The following RCBTB2 variants were observed in gnomAD, a reference collection of about 807,000 sequenced individuals.
The protein encoded by RCBTB2 is RCC1 and BTB domain-containing protein 2.
A neutral mutation model predicts 65.4 loss-of-function variants in RCBTB2; 55 were observed. That is an observed-to-expected ratio of 0.84 (90% CI 0.68 to 1.05). The LOEUF (loss-of-function observed/expected upper bound fraction) is 1.05. Among genes scored for constraint, RCBTB2 ranks in the 50% least tolerant of loss-of-function variants. The pLI is 0.00. For missense variants in RCBTB2, 599 were observed against 680.1 expected (o/e 0.88, Z 1.33); for synonymous variants, 220 against 255.2 (o/e 0.86, Z 1.31).
intron 10 of RCBTB2, among the ~76,000 whole-genome samples, chr13:48,509,196 A>G (rs1394110620): frequency 6.6e-6 from 1 of 152,146 alleles, no homozygotes; most frequent in Non-Finnish European, 1.5e-5. Flanking sequence ...GTATGGTGGC[A>G]TGCTCCTGTA....
At position 48,502,795 on chromosome 13, in the gene RCBTB2, T is replaced by A. The variant is rs1950300790; in HGVS notation, c.1046A>T (p.His349Leu). The change falls in exon 11 of 15, where the codon CAC (histidine) becomes CTC (leucine). Residue 349 changes from histidine (H) to leucine (L), a missense_variant. By Grantham distance (99) the His-to-Leu change is moderately conservative (BLOSUM62 -3). Coordinates refer to ENST00000344532, the MANE Select transcript of RCBTB2 (RefSeq NM_001268.4). ...AAACACGTCGTCAGTGCAGGAGAAG[T>A]GGGTGAGGTGCGGGAGGATCACGGA... The part of the protein sequence containing the change: ...GQSVILPHLT[H>L]FSCTDDVFAC... 6.2e-7 allele frequency: 1 copy of A among 1,613,730 alleles called. No individual in the cohort carries two copies. The highest frequency in any genetic ancestry group is 8.5e-7 in the Non-Finnish European group (1 of 1,179,958).
chr13:48,493,338 C>CTCTCTCTCTCTCTCTCTCTG, intron 14 of RCBTB2, among the ~76,000 whole-genome samples: 1 of 142,762 alleles, frequency 7.0e-6, no homozygotes, highest in South Asian at 2.2e-4. Flanking sequence ...CTCTCTCTCT[C>CTCTCTCTCTCTCTCTCTCTG]TCTTCTCTTC....
At chr13:48,508,538 G>A (rs1405602160) in intron 10 of RCBTB2, among the ~76,000 whole-genome samples, 1 of 151,930 alleles carries the variant, frequency 6.6e-6, no homozygotes, top group Non-Finnish European at 1.5e-5. Context: ...CAAGTAACTG[G>A]GATTACAGGC....
intron 5 of RCBTB2, 39 bp from the exon 6 acceptor site, chr13:48,515,394 T>C (rs1951028806): frequency 6.3e-7 from 1 of 1,580,462 alleles, no homozygotes; most frequent in Non-Finnish European, 8.6e-7. Flanking sequence ...CAGTTCTATT[T>C]CTAACAAATC....
intron 4 of RCBTB2, among the ~76,000 whole-genome samples, 160 bp downstream of exon 4, chr13:48,521,738 C>G (rs562005114): frequency 6.6e-6 from 1 of 152,276 alleles, no homozygotes; most frequent in East Asian, 1.9e-4. Flanking sequence ...TTCTCCATAC[C>G]CACAACGATT....
At chr13:48,504,501 T>C (rs1174994204) in intron 10 of RCBTB2, 1 of 233,048 alleles carries the variant, frequency 4.3e-6, no homozygotes, top group Non-Finnish European at 7.0e-6. Flanking sequence ...TAAGGCCCAG[T>C]TCAAACTGCC....
intron 1 of RCBTB2, among the ~76,000 whole-genome samples, chr13:48,529,796 T>C (rs937788838): frequency 6.6e-6 from 1 of 151,592 alleles, no homozygotes; most frequent in Non-Finnish European, 1.5e-5. Context: ...AACTCTCTTT[T>C]AGTCTTTAAC....
At chr13:48,492,898 T>C (rs910933644) in intron 14 of RCBTB2, among the ~76,000 whole-genome samples, 1 of 152,156 alleles carries the variant, frequency 6.6e-6, no homozygotes, top group African/African-American at 2.4e-5. Flanking sequence ...CTTATCCAAT[T>C]TGCTTATTAG....
intron 1 of RCBTB2, 160 bp downstream of exon 1, chr13:48,532,868 C>T (rs1451681238): frequency 5.1e-6 from 2 of 390,720 alleles, no homozygotes; most frequent in Non-Finnish European, 1.0e-5. Context: ...GCCTGTGGCA[C>T]GGTCGCGGCT....
rs1422429894 is a variant in RCBTB2 at position 48,498,655 on chromosome 13, G to A, written c.1384+966C>T. Among the ~76,000 whole-genome samples the A allele has an allele frequency of 2.6e-5, 4 of 152,140 alleles. 1 individual carries two copies. Among genetic ancestry groups the A allele is most frequent in the Admixed American group, 6.5e-5 (1 of 15,286 alleles). ...TGAGGCAGGAGAATCGCTTGAAACC[G>A]GGAGGCGGAGGTTGTGGTGAGCGGA... is the stretch of plus-strand genomic sequence containing the variant. On this transcript the variant is annotated intron_variant, in intron 13 of 14. Transcript: ENST00000344532.
At chr13:48,493,311 A>ACTCTCTCTCTCT (rs773819158) in intron 14 of RCBTB2, among the ~76,000 whole-genome samples, 2,102 of 56,978 alleles carry the variant, frequency 0.037, 18 homozygotes, top group Non-Finnish European at 0.056. Context: ...ACACACACAC[A>ACTCTCTCTCTCT]CACACTCTCT....
chr13:48,511,694 CTA>C (rs1950802369), intron 9 of RCBTB2, 74 bp downstream of exon 9: 30 of 1,264,258 alleles, frequency 2.4e-5, no homozygotes, highest in East Asian at 7.5e-5. Context: ...GCCAACAAAT[CTA>C]TGTTTTTAAT....
At chr13:48,503,029 G>A in intron 10 of RCBTB2, 115 bp from the exon 11 acceptor site, 1 of 1,185,920 alleles carries the variant, frequency 8.4e-7, no homozygotes, top group Non-Finnish European at 1.1e-6. Context: ...AAAAGGGTCA[G>A]GAAAAGGAAA....
At position 48,502,820 on chromosome 13, in the gene RCBTB2, A is replaced by T. The variant is rs1397334165; in HGVS notation, c.1021T>A (p.Ser341Thr). 3 of 1,614,190 alleles carry T rather than the reference A, an allele frequency of 1.9e-6. No homozygotes were observed. Among genetic ancestry groups the T allele is most frequent in the Middle Eastern group, 3.3e-4 (2 of 6,062 alleles). The change falls in exon 11 of 15, where the codon TCC (serine) becomes ACC (threonine). Residue 341 changes from serine (S) to threonine (T), a missense_variant. Physicochemically the swap from Ser to Thr is moderately conservative, Grantham distance 58. Transcript: ENST00000344532. Reference protein sequence around the residue: ...VYMWGQCRGQSVILPHLTHFS... With the variant: ...VYMWGQCRGQTVILPHLTHFS... ...TGGGTGAGGTGCGGGAGGATCACGGACTGACCCCGGCACTGGCCCCACATG... is the reference window on the plus strand; with the variant it reads ...TGGGTGAGGTGCGGGAGGATCACGGTCTGACCCCGGCACTGGCCCCACATG...
intron 10 of RCBTB2, among the ~76,000 whole-genome samples, chr13:48,506,185 G>A (rs1404122895): frequency 1.3e-5 from 2 of 152,238 alleles, no homozygotes; most frequent in African/African-American, 2.4e-5. Flanking sequence ...GCTGGAGACG[G>A]CAGGATGGCA....
intron 13 of RCBTB2, among the ~76,000 whole-genome samples, chr13:48,499,148 T>A (rs917100247): frequency 0.016 from 2,056 of 129,792 alleles, 59 homozygotes; most frequent in African/African-American, 0.077. Context: ...ACACACTCTC[T>A]CTCTCTCTCT....
At position 48,499,753 on chromosome 13, in the gene RCBTB2, G is replaced by T. The variant is rs1221428653; in HGVS notation, c.1252C>A (p.His418Asn). ...TTATCTTCCAATGACGAACGAAAAT[G>T]CTCACATCTGAAGGAAAAAAGCAGT... is the stretch of plus-strand genomic sequence containing the variant. ...HKVLLKIRCE[H>N]FRSSLEDNED... The change falls in exon 13 of 15, where the codon CAT (histidine) becomes AAT (asparagine). Residue 418 changes from histidine (H) to asparagine (N), a missense_variant. Transcript: ENST00000344532. The T allele has an allele frequency of 6.2e-7, 1 of 1,614,138 alleles. No homozygotes were observed. Among genetic ancestry groups the T allele is most frequent in the South Asian group, 1.1e-5 (1 of 91,080 alleles).
intron 4 of RCBTB2, among the ~76,000 whole-genome samples, chr13:48,517,798 C>T (rs1951174583): frequency 6.6e-6 from 1 of 152,192 alleles, no homozygotes; most frequent in Non-Finnish European, 1.5e-5. Context: ...GGTTGAATGG[C>T]TTCCCCCCAA....
chr13:48,502,959 G>C, intron 10 of RCBTB2, 45 bp from the exon 11 acceptor site: 1 of 1,490,472 alleles, frequency 6.7e-7, no homozygotes, highest in East Asian at 2.5e-5. Context: ...GACCGGGGCA[G>C]AAACAAGTTG....
Sources: allele counts gnomAD v4.1 joint callset (sites outside exome capture counted in the v4.1 genomes callset), GRCh38; gene constraint gnomAD v4.1.1; transcripts MANE v1.5; gene names NCBI Gene and HGNC (gene_info 2026-07-23, HGNC 2026-07-21).